The following EPHA6 variants were observed in gnomAD, a reference collection of about 807,000 sequenced individuals.
The protein encoded by EPHA6 is EPH receptor A6, also known as ephrin type-A receptor 6.
EPHA6 carries 50 observed loss-of-function variants against 112.0 expected under a neutral mutation model. That is an observed-to-expected ratio of 0.45 (90% CI 0.36 to 0.56). The LOEUF is 0.56. Among genes scored for constraint, EPHA6 ranks in the 20% least tolerant of loss-of-function variants. EPHA6 has a pLI of 0.00. For synonymous variants in EPHA6, 529 were observed against 490.7 expected, an observed-to-expected ratio of 1.08 and a Z score of -1.03; for missense variants, 1,280 against 1,417.4, an observed-to-expected ratio of 0.90 and a Z score of 1.56.
intron 6 of EPHA6, among the ~76,000 whole-genome samples, chr3:97,436,005 A>G (rs2089813614): frequency 6.6e-6 from 1 of 152,158 alleles, no homozygotes; most frequent in Non-Finnish European, 1.5e-5. Flanking sequence ...CAATTATTAC[A>G]ATGTATTTAT....
At position 96,940,848 on chromosome 3, in the gene EPHA6, C is replaced by T. The variant is rs1052963116; in HGVS notation, c.451-46482C>T. ...GTCTGTAAAGGATTTTATTTCTCCT[C>T]CACTTATGAAGCTTAGTTTGGCTGG... On this transcript the variant is annotated intron_variant, in intron 2 of 17. Transcript: ENST00000389672. Among the ~76,000 whole-genome samples the T allele has an allele frequency of 5.5e-4, 83 of 152,158 alleles. No homozygotes were observed. The Middle Eastern group carries it at 0.01, about 19-fold the overall frequency.
intron 5 of EPHA6, among the ~76,000 whole-genome samples, chr3:97,294,752 A>C (rs939572690): frequency 1.3e-5 from 2 of 152,150 alleles, no homozygotes; most frequent in Non-Finnish European, 2.9e-5. Flanking sequence ...TTTGTTTCCA[A>C]GTGTAGGACT....
At chr3:97,063,994 A>G (rs1453575462) in intron 3 of EPHA6, among the ~76,000 whole-genome samples, 1 of 152,214 alleles carries the variant, frequency 6.6e-6, no homozygotes, top group Non-Finnish European at 1.5e-5. Context: ...AGCCAAGTTC[A>G]GATGGTTGTG....
chr3:96,845,313 G>C (rs768087778), intron 1 of EPHA6, among the ~76,000 whole-genome samples: 4 of 151,964 alleles, frequency 2.6e-5, no homozygotes, highest in Non-Finnish European at 5.9e-5. Flanking sequence ...TTATTTATTT[G>C]GTGAGCAGTT....
chr3:97,361,049 C>G (rs541562002), intron 5 of EPHA6, among the ~76,000 whole-genome samples: 1 of 152,258 alleles, frequency 6.6e-6, no homozygotes, highest in South Asian at 2.1e-4. Flanking sequence ...ATGCACCTTG[C>G]TGAGTCTTCC....
intron 5 of EPHA6, among the ~76,000 whole-genome samples, chr3:97,346,365 A>G (rs1489262180): frequency 6.6e-6 from 1 of 152,212 alleles, no homozygotes; most frequent in Non-Finnish European, 1.5e-5. Context: ...AGCTAATTGT[A>G]CAAAGTTACT....
chr3:97,387,043 G>C (rs1309319013), intron 5 of EPHA6, among the ~76,000 whole-genome samples: 1 of 152,220 alleles, frequency 6.6e-6, no homozygotes, highest in Non-Finnish European at 1.5e-5. Flanking sequence ...GCTGCACAGA[G>C]CAGAGGGGCC....
At chr3:97,163,533 T>C (rs768786225) in intron 3 of EPHA6, among the ~76,000 whole-genome samples, 6 of 152,180 alleles carry the variant, frequency 3.9e-5, no homozygotes, top group Non-Finnish European at 8.8e-5. Flanking sequence ...TTTTGGAATA[T>C]AGGACACCTC....
At chr3:97,126,931 A>C (rs560688775) in intron 3 of EPHA6, among the ~76,000 whole-genome samples, 1 of 151,232 alleles carries the variant, frequency 6.6e-6, no homozygotes, top group Non-Finnish European at 1.5e-5. Flanking sequence ...GATCTAATTG[A>C]GAAACGAAAG....
At position 97,244,402 on chromosome 3, in the gene EPHA6, G is replaced by A. The variant is rs1046491841; in HGVS notation, c.1606+115G>A. 4.3e-5 allele frequency: 36 copies of A among 829,484 alleles called. No homozygotes were observed. In the African/African-American group the frequency reaches 4.8e-4, roughly 11 times the overall value. 51.4% of individuals were successfully genotyped at this position (829,484 alleles called of 1,614,324 possible). On this transcript the variant is annotated intron_variant, in intron 5 of 17. Coordinates refer to ENST00000389672, the MANE Select transcript of EPHA6 (RefSeq NM_001080448.3). ...TATGCAGTCATATACGTTATACACT[G>A]CAGAGGTAATGCACTGGTTGTTGTT...
rs537333081 is a variant in EPHA6, at chr3:97,246,995, T to C, written c.1606+2708T>C. Among the ~76,000 whole-genome samples, 3 of 152,144 alleles carry C rather than the reference T, an allele frequency of 2.0e-5. No homozygotes were observed. The East Asian group carries it at 5.8e-4, about 29-fold the overall frequency. ...AAACTGAATGTTTCAGAACAAACTT[T>C]CAACTGATGCCATTTTGTTCAGTTG... On this transcript the variant is annotated intron_variant, in intron 5 of 17. Coordinates refer to ENST00000389672, the MANE Select transcript of EPHA6 (RefSeq NM_001080448.3).
At chr3:97,459,721 T>A (rs970106289) in intron 7 of EPHA6, among the ~76,000 whole-genome samples, 1 of 152,182 alleles carries the variant, frequency 6.6e-6, no homozygotes, top group African/African-American at 2.4e-5. Context: ...AAATATCTTT[T>A]TTCATTGACA....
At chr3:97,115,935 CAT>C (rs1435668335) in intron 3 of EPHA6, among the ~76,000 whole-genome samples, 1 of 151,746 alleles carries the variant, frequency 6.6e-6, no homozygotes, top group Non-Finnish European at 1.5e-5. Context: ...AAAAACAAAT[CAT>C]AGTACTTGCA....
intron 11 of EPHA6, among the ~76,000 whole-genome samples, chr3:97,563,499 T>C (rs1175584049): frequency 6.6e-6 from 1 of 152,202 alleles, no homozygotes; most frequent in African/African-American, 2.4e-5. Context: ...AGTTAGGATG[T>C]AAAATTTTAT....
intron 3 of EPHA6, among the ~76,000 whole-genome samples, chr3:97,153,618 A>G (rs1424638874): frequency 6.6e-6 from 1 of 152,150 alleles, no homozygotes; most frequent in Non-Finnish European, 1.5e-5. Context: ...CTAAAAAAAC[A>G]TAGTTACCTA....
intron 2 of EPHA6, among the ~76,000 whole-genome samples, chr3:96,921,255 G>A (rs2039746955): frequency 6.6e-6 from 1 of 151,750 alleles, no homozygotes; most frequent in Non-Finnish European, 1.5e-5. Flanking sequence ...TTTTTTTTCA[G>A]ATCATACATA....
chr3:96,870,300 A>G (rs2036561910), intron 2 of EPHA6, among the ~76,000 whole-genome samples: 1 of 152,026 alleles, frequency 6.6e-6, no homozygotes, highest in Non-Finnish European at 1.5e-5. Flanking sequence ...GGGTACTGAC[A>G]TCAGTTCCCA....
At chr3:97,154,070 CAGG>C (rs112879728) in intron 3 of EPHA6, among the ~76,000 whole-genome samples, 11,805 of 151,456 alleles carry the variant, frequency 0.078, 744 homozygotes, top group Admixed American at 0.21. Context: ...GAGGCTGAGG[CAGG>C]AGAATCGCTC....
intron 2 of EPHA6, among the ~76,000 whole-genome samples, chr3:96,951,355 C>T (rs1310696014): frequency 6.6e-6 from 1 of 152,030 alleles, no homozygotes; most frequent in African/African-American, 2.4e-5. Context: ...TTTAATCAAT[C>T]AGTAGCATTT....
Sources: allele counts gnomAD v4.1 joint callset (sites outside exome capture counted in the v4.1 genomes callset), GRCh38; gene constraint gnomAD v4.1.1; transcripts MANE v1.5; gene names NCBI Gene and HGNC (gene_info 2026-07-23, HGNC 2026-07-21).